The following HMCN2 variants were observed in gnomAD, a reference collection of about 807,000 sequenced individuals.
HMCN2 encodes hemicentin 2.
A neutral mutation model predicts 377.5 loss-of-function variants in HMCN2; 325 were observed. The ratio of observed to expected loss-of-function variants is 0.86; its 90% confidence interval spans 0.79 to 0.94. The LOEUF is 0.94. HMCN2 is among the 40% of genes least tolerant of loss of function. HMCN2 has a pLI of 0.00. For missense variants in HMCN2, 4,543 were observed against 4,725.3 expected (o/e 0.96, Z 1.13); for synonymous variants, 2,007 against 2,046.8 (o/e 0.98, Z 0.53).
chr9:130,414,376 T>A lies in HMCN2; in HGVS notation c.12961+3724T>A, dbSNP rs1843579022. 6.6e-6 allele frequency among the ~76,000 whole-genome samples: 1 copy of A among 152,224 alleles called. No individual in the cohort carries two copies. Among genetic ancestry groups the A allele is most frequent in the South Asian group, 2.1e-4 (1 of 4,836 alleles). ...GACCATGGAAGCCTCATAGGGAACCTGGGCTTCCACGCTGACCTGGCGGAA... is the reference window on the plus strand; with the variant it reads ...GACCATGGAAGCCTCATAGGGAACCAGGGCTTCCACGCTGACCTGGCGGAA... On this transcript the variant is annotated intron_variant, in intron 85 of 97. Coordinates refer to ENST00000683500, the MANE Select transcript of HMCN2 (RefSeq NM_001291815.2). The surrounding 1 kb of genome is among the most constrained non-coding windows in gnomAD (Gnocchi z 4.4).
At chr9:130,401,761 A>G (rs1241281353) in intron 77 of HMCN2, among the ~76,000 whole-genome samples, 1 of 152,110 alleles carries the variant, frequency 6.6e-6, no homozygotes, top group African/African-American at 2.4e-5. Context: ...GTGATTTTCA[A>G]ACTCTTCTGA....
chr9:130,385,658 C>T lies in HMCN2; in HGVS notation c.9205C>T (p.Pro3069Ser), dbSNP rs772445689. ...AVLSCETDAL[P>S]EPTVTWYKDG... Reference sequence around the variant, plus strand: ...CCTGAGCTGCGAGACAGATGCGCTCCCTGAGCCAACTGTGACCTGGTACAA... The same window carrying T: ...CCTGAGCTGCGAGACAGATGCGCTCTCTGAGCCAACTGTGACCTGGTACAA... The change falls in exon 60 of 98, where the codon CCT becomes TCT. Residue 3069 changes from proline (P) to serine (S), a missense_variant. By Grantham distance (74) the Pro-to-Ser change is moderately conservative. This residue lies in a region of HMCN2 where 736 missense variants were observed against 773.2 expected (regional missense o/e 0.95). Transcript: ENST00000683500. 1.4e-5 allele frequency: 18 copies of T among 1,304,072 alleles called. No homozygotes were observed. In the African/African-American group the frequency reaches 2.1e-4, roughly 15 times the overall value. The allele number at this position is 1,304,072 out of a possible 1,614,324, so 80.8% of individuals were successfully genotyped here.
At chr9:130,421,314 G>T (rs1008770196) in intron 86 of HMCN2, among the ~76,000 whole-genome samples, 1 of 152,152 alleles carries the variant, frequency 6.6e-6, no homozygotes, top group African/African-American at 2.4e-5. Context: ...ACCGTGCTGC[G>T]TATCTTTGTG....
At chr9:130,348,753 G>A (rs763423044) in intron 27 of HMCN2, 78 bp downstream of exon 27, 34 of 1,278,318 alleles carry the variant, frequency 2.7e-5, no homozygotes, top group South Asian at 6.4e-5. Context: ...GCATTTCTGC[G>A]TGTGCCAAGG....
chr9:130,372,991 C>CA (rs1564827127), intron 47 of HMCN2, 47 bp from the exon 48 acceptor site: 1 of 138,078 alleles, frequency 7.2e-6, no homozygotes, highest in African/African-American at 2.6e-5. Flanking sequence ...CGGGCCAGCC[C>CA]CCCCCCCCAC....
At chr9:130,280,329 ATTT>A (rs36002092) in intron 1 of HMCN2, among the ~76,000 whole-genome samples, 3 of 139,310 alleles carry the variant, frequency 2.2e-5, no homozygotes, top group African/African-American at 2.7e-5. Flanking sequence ...TGCCCGGCTA[ATTT>A]TTTTTTTTTT....
In HMCN2 at chr9:130,431,216, C is replaced by G. The variant is rs569433247; in HGVS notation, c.14648-151C>G. On this transcript the variant is annotated intron_variant, in intron 95 of 97. Transcript: ENST00000683500. Reference sequence around the variant, plus strand: ...AGCAAGCACAGGGACTCCCCCAACCCCTGAACCTGGGCTGGGAGGGGCAGG... The same window carrying G: ...AGCAAGCACAGGGACTCCCCCAACCGCTGAACCTGGGCTGGGAGGGGCAGG... 6 of 785,902 alleles carry G rather than the reference C, an allele frequency of 7.6e-6. No homozygotes were observed. In the South Asian group the frequency reaches 8.9e-5, roughly 12 times the overall value. 48.7% of individuals were successfully genotyped at this position (785,902 alleles called of 1,614,324 possible).
At chr9:130,363,022 C>T in intron 40 of HMCN2, 32 bp downstream of exon 40, 9 of 985,956 alleles carry the variant, frequency 9.1e-6, no homozygotes, top group Non-Finnish European at 9.6e-6. Flanking sequence ...CCATGTGGTT[C>T]AGAGCAGCGG....
Position 130,394,422 on chromosome 9 carries a change from G to A in HMCN2, c.10539G>A (p.Glu3513=), listed in dbSNP as rs1416372560. The A allele has an allele frequency of 7.8e-7, 1 of 1,289,700 alleles. No homozygotes were observed. Among genetic ancestry groups the A allele is most frequent in the Non-Finnish European group, 1.0e-6 (1 of 988,814 alleles). 79.9% of individuals were successfully genotyped at this position (1,289,700 alleles called of 1,614,324 possible). ...TTGAGGACTCAGGCCAGCCTACAGA[G>A]CTGTCGCTGACCCCCGGCGCCCCCA... ...PHIEDSGQPT[E]LSLTPGAPME... The change falls in exon 69 of 98, where the codon GAG becomes GAA. Residue 3513 remains glutamate (E), a synonymous_variant. Transcript: ENST00000683500. This position sits in a 1 kb window ranked among gnomAD's most constrained non-coding sequence, Gnocchi z 5.1.
chr9:130,396,263 C>T lies in HMCN2; in HGVS notation c.11148C>T (p.Pro3716=), dbSNP rs959839778. 3.1e-5 allele frequency: 40 copies of T among 1,285,288 alleles called. No homozygotes were observed. The African/African-American group carries it at 3.6e-4, about 12-fold the overall frequency. 79.6% of individuals were successfully genotyped at this position (1,285,288 alleles called of 1,614,324 possible). The change falls in exon 73 of 98, where the codon CCC becomes CCT. Residue 3716 remains proline, a synonymous_variant. Coordinates refer to ENST00000683500, the MANE Select transcript of HMCN2 (RefSeq NM_001291815.2). The part of the protein sequence containing the change: ...LPCQADGVPA[P]LVSWRKDRVP... ...GCCAGGCCGACGGCGTGCCCGCACC[C>T]CTCGTGAGCTGGCGGAAGGACAGGG...
At chr9:130,290,329 G>A (rs1019671254) in intron 4 of HMCN2, among the ~76,000 whole-genome samples, 2 of 152,316 alleles carry the variant, frequency 1.3e-5, no homozygotes, top group East Asian at 1.9e-4. Flanking sequence ...GTGGGTCACT[G>A]GCTTTCTGCC....
rs1554936645 is a variant in HMCN2, at chr9:130,306,186, T to G, written c.1874T>G (p.Val625Gly). ...CAGCACTTCTCCCAAGGTGTGGAGG[T>G]GAAGGTCAGCTGCTCAGCCTCTGGA... The part of the protein sequence containing the change: ...SSQHFSQGVE[V>G]KVSCSASGYP... The change falls in exon 12 of 98, where the codon GTG becomes GGG. Residue 625 changes from valine (V) to glycine (G), a missense_variant. This residue lies in a region of HMCN2 where 547 missense variants were observed against 189.9 expected (regional missense o/e 2.88). Coordinates refer to ENST00000683500, the MANE Select transcript of HMCN2 (RefSeq NM_001291815.2). The G allele has an allele frequency of 2.1e-6, 1 of 470,564 alleles. No individual in the cohort carries two copies. The highest frequency in any genetic ancestry group is 1.5e-5 in the South Asian group (1 of 64,548). 29.1% of individuals were successfully genotyped at this position (470,564 alleles called of 1,614,324 possible).
intron 43 of HMCN2, 86 bp from the exon 44 acceptor site, chr9:130,368,190 G>T: frequency 1.2e-6 from 1 of 826,876 alleles, no homozygotes; most frequent in Non-Finnish European, 1.5e-6. Flanking sequence ...TGGCAAGAAT[G>T]GGTAGGAGGA....
intron 61 of HMCN2, among the ~76,000 whole-genome samples, chr9:130,387,667 A>G (rs1253054683): frequency 6.6e-6 from 1 of 152,232 alleles, no homozygotes; most frequent in Non-Finnish European, 1.5e-5. Context: ...CACAGTGGGA[A>G]GAACGGGCTG....
At position 130,391,491 on chromosome 9, in the gene HMCN2, G is replaced by A. The variant is rs1842320809; in HGVS notation, c.9869G>A (p.Arg3290Lys). 2.0e-6 allele frequency: 2 copies of A among 987,864 alleles called. No individual in the cohort carries two copies. Among genetic ancestry groups the A allele is most frequent in the South Asian group, 9.4e-5 (2 of 21,384 alleles). The allele number at this position is 987,864 out of a possible 1,614,324, so 61.2% of individuals were successfully genotyped here. A position where few individuals can be genotyped will look rare whatever the true frequency, so the allele number is the denominator to read the frequency against. Residue 3290 changes from arginine to lysine, a missense_variant, in exon 65 of 98, where the codon AGG becomes AAG. Transcript: ENST00000683500. ...GGCTCCCTGGTGCTAAAAGGCCTGA[G>A]GGCCTCGGACGCGGGTGCCTACACC... ...DGGSLVLKGL[R>K]ASDAGAYTCV...
Position 130,357,854 on chromosome 9 carries a change from A to G in HMCN2, c.5446A>G (p.Ile1816Val). 1 of 1,303,886 alleles carries G rather than the reference A, an allele frequency of 7.7e-7. No homozygotes were observed. The highest frequency in any genetic ancestry group is 1.0e-6 in the Non-Finnish European group (1 of 988,776). 80.8% of individuals were successfully genotyped at this position (1,303,886 alleles called of 1,614,324 possible). A position where few individuals can be genotyped will look rare whatever the true frequency, so the allele number is the denominator to read the frequency against. Residue 1816 changes from isoleucine (I) to valine (V), a missense_variant, in exon 35 of 98, where the codon ATT becomes GTT. Ile to Val is a conservative substitution (Grantham distance 29). This residue lies in a region of HMCN2 where 1,032 missense variants were observed against 1,285.1 expected (regional missense o/e 0.80). Transcript: ENST00000683500. Reference protein sequence around the residue: ...SVHEFPSVSIIGGENITAPFL... With the variant: ...SVHEFPSVSIVGGENITAPFL... ...CCCAGAGTTCCCATCGGTCAGTATC[A>G]TTGGGGGTGAGAACATCACAGCTCC...
Position 130,425,822 on chromosome 9 carries a change from C to T in HMCN2, c.13777C>T (p.Gln4593Ter). 6.4e-7 allele frequency: 1 copy of T among 1,550,530 alleles called. No individual in the cohort carries two copies. ...CCAGTACAACGCGGCCCGGGGCCCC[C>T]AGCCCCAGCTGGTGCAGCACCTGCG... ...SIQYNAARGP[Q>*]PQLVQHLRAS... Residue 4593 changes from glutamine (Q) to a stop codon, truncating the protein, a stop_gained, in exon 90 of 98, where the codon CAG becomes TAG. Coordinates refer to ENST00000683500, the MANE Select transcript of HMCN2 (RefSeq NM_001291815.2). LOFTEE classifies it high-confidence loss of function.
chr9:130,335,488 G>C (rs1838696827), intron 22 of HMCN2, among the ~76,000 whole-genome samples: 3 of 152,156 alleles, frequency 2.0e-5, no homozygotes, highest in Admixed American at 6.5e-5. Context: ...TGAGCAAACT[G>C]TTCAGGGCTG....
In HMCN2 at chr9:130,376,599, T is replaced by C. The variant is rs11244043; in HGVS notation, c.8002T>C (p.Leu2668=). Residue 2668 remains leucine (L), a synonymous_variant, in exon 52 of 98, where the codon TTG becomes CTG. Coordinates refer to ENST00000683500, the MANE Select transcript of HMCN2 (RefSeq NM_001291815.2). ...GACCAAGGTCAACAGCACCTTGACC[T>C]TGGAGTGTGAGAGCTGGGCTGTGCC... The part of the protein sequence containing the change: ...VKTKVNSTLT[L]ECESWAVPPP... 0.69 allele frequency: 676,972 copies of C among 985,290 alleles called. 235,882 individuals are homozygous for C. Among genetic ancestry groups the C allele is most frequent in the East Asian group, 0.87 (7,631 of 8,778 alleles). 61.0% of individuals were successfully genotyped at this position (985,290 alleles called of 1,614,324 possible). A position where few individuals can be genotyped will look rare whatever the true frequency, so the allele number is the denominator to read the frequency against.
Sources: gnomAD v4.1 joint callset for allele counts (sites outside exome capture counted in the v4.1 genomes callset) on GRCh38, gnomAD v4.1.1 for gene constraint, gnomAD v4.1.1 regional missense constraint, Gnocchi (gnomAD v3.1) non-coding constraint, MANE v1.5 for transcripts, NCBI Gene and HGNC (gene_info 2026-07-23, HGNC 2026-07-21) for gene names.